Variants in ZNF740 observed in about 807,000 individuals in gnomAD.
ZNF740 encodes the protein oriLyt TD-element-binding protein 7.
Under a neutral mutation model 24.8 loss-of-function variants are expected in ZNF740, and 14 were observed. That is an observed-to-expected ratio of 0.56 (90% CI 0.37 to 0.88). The LOEUF (loss-of-function observed/expected upper bound fraction) is 0.88. Among genes scored for constraint, ZNF740 ranks in the 40% least tolerant of loss-of-function variants. ZNF740 has a pLI of 0.00. For synonymous variants in ZNF740, 69 were observed against 84.0 expected (o/e 0.82, Z 0.98); for missense variants, 201 against 247.9 (o/e 0.81, Z 1.27).
At position 53,192,813 on chromosome 12, in the gene ZNF740, G is replaced by A. The variant is rs746051191; in HGVS notation, c.*5223G>A. ...CATGCCCACTGCAGAGCCCTCCCTC[G>A]GGACTGATGCAACTGTCCATGTCCC... On this transcript the variant is annotated 3_prime_UTR_variant, in exon 7 of 7. Coordinates refer to ENST00000416904, the MANE Select transcript of ZNF740 (RefSeq NM_001004304.4). The A allele has an allele frequency of 1.7e-5, 28 of 1,614,072 alleles. No homozygotes were observed. The African/African-American group carries it at 1.9e-4, about 11-fold the overall frequency.
At position 53,181,956 on chromosome 12, in the gene ZNF740, T is replaced by G. The variant is rs1262933058; in HGVS notation, c.-28T>G. Reference sequence around the variant, plus strand: ...AGGTGGACCTAGGAACTCCTGAACTTTTGGGTTGCCTTAAGTGAGAAATCA... The same window carrying G: ...AGGTGGACCTAGGAACTCCTGAACTGTTGGGTTGCCTTAAGTGAGAAATCA... On this transcript the variant is annotated 5_prime_UTR_variant, in exon 2 of 7. Coordinates refer to ENST00000416904, the MANE Select transcript of ZNF740 (RefSeq NM_001004304.4). 3 of 1,604,294 alleles carry G rather than the reference T, an allele frequency of 1.9e-6. No homozygotes were observed. The East Asian group carries it at 6.7e-5, about 36-fold the overall frequency.
chr12:53,181,497 T>C (rs997896781), intron 1 of ZNF740, 180 bp from the exon 2 acceptor site: 2 of 985,372 alleles, frequency 2.0e-6, no homozygotes, highest in African/African-American at 1.7e-5. Flanking sequence ...TCCTGTTGGC[T>C]TCCACTCCTT....
In ZNF740 at chr12:53,191,684, G is replaced by C. The variant is rs369450948; in HGVS notation, c.*4094G>C. On this transcript the variant is annotated 3_prime_UTR_variant, in exon 7 of 7. Transcript: ENST00000416904. ...ATAAGCAAAAATCCCAGGATTCCTCGTCCCCTTTCTAGACCTAAGAGGCCA... is the reference window on the plus strand; with the variant it reads ...ATAAGCAAAAATCCCAGGATTCCTCCTCCCCTTTCTAGACCTAAGAGGCCA... 5 of 1,569,276 alleles carry C rather than the reference G, an allele frequency of 3.2e-6. No homozygotes were observed. The Admixed American group carries it at 8.3e-5, about 26-fold the overall frequency.
At chr12:53,186,370 T>C (rs757400487) in intron 5 of ZNF740, 21 bp from the exon 6 acceptor site, 3 of 1,553,472 alleles carry the variant, frequency 1.9e-6, no homozygotes, top group South Asian at 1.2e-5. Context: ...CCACATTCAC[T>C]TCTCTGTCCA....
In ZNF740 at chr12:53,191,926, AC is replaced by A. The variant is rs1565697034; in HGVS notation, c.*4338del. 6.2e-7 allele frequency: 1 copy of A among 1,610,938 alleles called. No homozygotes were observed. Among genetic ancestry groups the A allele is most frequent in the Admixed American group, 1.7e-5 (1 of 59,996 alleles). On this transcript the variant is annotated 3_prime_UTR_variant, in exon 7 of 7. Coordinates refer to ENST00000416904, the MANE Select transcript of ZNF740 (RefSeq NM_001004304.4). Reference sequence around the variant, plus strand: ...GTATTCCCGGCGGTCATAGATTTCCACCGAGAGCCGGTAAGCCAGGACCAGC... The same window carrying A: ...GTATTCCCGGCGGTCATAGATTTCCACGAGAGCCGGTAAGCCAGGACCAGC...
In ZNF740 at chr12:53,191,736, T is replaced by G. The variant is rs376582355; in HGVS notation, c.*4146T>G. On this transcript the variant is annotated 3_prime_UTR_variant, in exon 7 of 7. Transcript: ENST00000416904. ...CCTTGAGCCGAATCCTAGGAGCTGATGGAAGTTAGCAGAGGGGTTGGTTAC... is the reference window on the plus strand; with the variant it reads ...CCTTGAGCCGAATCCTAGGAGCTGAGGGAAGTTAGCAGAGGGGTTGGTTAC... The G allele has an allele frequency of 6.6e-7, 1 of 1,519,280 alleles. No individual in the cohort carries two copies. Among genetic ancestry groups the G allele is most frequent in the Non-Finnish European group, 9.1e-7 (1 of 1,095,548 alleles). The allele number at this position is 1,519,280 out of a possible 1,614,324, so 94.1% of individuals were successfully genotyped here.
At position 53,189,775 on chromosome 12, in the gene ZNF740, A is replaced by T. The variant is rs1178125430; in HGVS notation, c.*2185A>T. ...GCTTTTCCTGTCCTTCACTTCTGGG[A>T]TGATTCACCCCACATCTTCCAGTAC... is the stretch of plus-strand genomic sequence containing the variant. On this transcript the variant is annotated 3_prime_UTR_variant, in exon 7 of 7. Transcript: ENST00000416904. 1 of 152,034 alleles carries T rather than the reference A, an allele frequency of 6.6e-6. No homozygotes were observed. The highest frequency in any genetic ancestry group is 1.5e-5 in the Non-Finnish European group (1 of 68,018). The allele number at this position is 152,034 out of a possible 1,614,324, so 9.4% of individuals were successfully genotyped here. A position where few individuals can be genotyped will look rare whatever the true frequency, so the allele number is the denominator to read the frequency against.
rs769312731 is a variant in ZNF740 at position 53,186,380 on chromosome 12, ACCTGGG to A, written c.374-8_374-3del. ...CCTCCCCACATTCACTTCTCTGTCC[ACCTGGG>A]CCAGGTGAGAAGCCATTTGAATGCG... On this transcript the variant is annotated splice_polypyrimidine_tract_variant and splice_region_variant and intron_variant, in intron 5 of 6. Transcript: ENST00000416904. The A allele has an allele frequency of 6.4e-7, 1 of 1,562,564 alleles. No homozygotes were observed. Among genetic ancestry groups the A allele is most frequent in the Non-Finnish European group, 8.7e-7 (1 of 1,152,304 alleles).
rs756902852 is a variant in ZNF740, at chr12:53,192,559, G to A, written c.*4969G>A. On this transcript the variant is annotated 3_prime_UTR_variant, in exon 7 of 7. Transcript: ENST00000416904. ...AGTCCCTGTGTAGTAGATGCCAATA[G>A]GTTACCAGCTGGGCAGTTGTCACCC... 1 of 1,611,698 alleles carries A rather than the reference G, an allele frequency of 6.2e-7. No individual in the cohort carries two copies. Among genetic ancestry groups the A allele is most frequent in the Non-Finnish European group, 8.5e-7 (1 of 1,178,336 alleles).
Position 53,180,741 on chromosome 12 carries a change from G to T in ZNF740, c.-404G>T, listed in dbSNP as rs763369188. On this transcript the variant is annotated 5_prime_UTR_variant, in exon 1 of 7. Transcript: ENST00000416904. ...GTGTTTGTAAACTTGCCTCGGTCCC[G>T]GTGGGGGCAGCCGCGGCGGTGGGGT... The T allele has an allele frequency of 1.4e-5, 18 of 1,265,632 alleles. No homozygotes were observed. Among genetic ancestry groups the T allele is most frequent in the Non-Finnish European group, 1.7e-5 (17 of 977,414 alleles). 78.4% of individuals were successfully genotyped at this position (1,265,632 alleles called of 1,614,324 possible).
In ZNF740 at chr12:53,187,501, T is replaced by C; in HGVS notation, c.493T>C (p.Cys165Arg). 1 of 1,613,888 alleles carries C rather than the reference T, an allele frequency of 6.2e-7. No homozygotes were observed. Among genetic ancestry groups the C allele is most frequent in the South Asian group, 1.1e-5 (1 of 91,076 alleles). Reference sequence around the variant, plus strand: ...CACTTAACCCTCCCTTTCTTCTCAGTGTTTTTCTCGGACAGATCGATTACT... The same window carrying C: ...CACTTAACCCTCCCTTTCTTCTCAGCGTTTTTCTCGGACAGATCGATTACT... ...KPYQCERCHQ[C>R]FSRTDRLLRH... The change falls in exon 7 of 7, where the codon TGT (cysteine) becomes CGT (arginine). Residue 165 changes from cysteine (C) to arginine (R), a missense_variant and splice_region_variant. Cys to Arg is a radical substitution (Grantham distance 180). Coordinates refer to ENST00000416904, the MANE Select transcript of ZNF740 (RefSeq NM_001004304.4).
At chr12:53,181,462 C>G (rs779134409) in intron 1 of ZNF740, 290 of 985,334 alleles carry the variant, frequency 2.9e-4, no homozygotes, top group Non-Finnish European at 3.3e-4. Context: ...AGAGTTCCTC[C>G]ATAGGAGGCC....
At chr12:53,185,825 A>G in intron 4 of ZNF740, 129 bp from the exon 5 acceptor site, 1 of 1,275,502 alleles carries the variant, frequency 7.8e-7, no homozygotes, top group Non-Finnish European at 1.1e-6. Flanking sequence ...AGTACAGGAG[A>G]TGGCAGCACC....
At position 53,193,196 on chromosome 12, in the gene ZNF740, T is replaced by G. The variant is rs1322657177; in HGVS notation, c.*5606T>G. 1.2e-6 allele frequency: 2 copies of G among 1,614,014 alleles called. No individual in the cohort carries two copies. Among genetic ancestry groups the G allele is most frequent in the African/African-American group, 2.7e-5 (2 of 74,906 alleles). ...GCTGGCATCGTCACACTCGCACAGA[T>G]GCCCAGAGCTCTGTCCACTGCAGCT... On this transcript the variant is annotated 3_prime_UTR_variant, in exon 7 of 7. Transcript: ENST00000416904.
Position 53,194,329 on chromosome 12 carries a change from C to G in ZNF740, c.*6739C>G, listed in dbSNP as rs139063110. The stretch of plus-strand genomic sequence containing the variant: ...GGGAGTGAAGAGTGTTCAAGGGTCA[C>G]GGTGGAAGACAGGCTCTATGGGAAG... On this transcript the variant is annotated 3_prime_UTR_variant, in exon 7 of 7. Coordinates refer to ENST00000416904, the MANE Select transcript of ZNF740 (RefSeq NM_001004304.4). 995 of 1,613,890 alleles carry G rather than the reference C, an allele frequency of 6.2e-4. 8 individuals are homozygous for G. In the African/African-American group the frequency reaches 0.01, roughly 16 times the overall value.
At chr12:53,184,088 A>G (rs938624856) in intron 2 of ZNF740, among the ~76,000 whole-genome samples, 9 of 150,108 alleles carry the variant, frequency 6.0e-5, no homozygotes, top group Non-Finnish European at 7.4e-5. Flanking sequence ...AGATCTGCCA[A>G]TCAAAAGTGG....
Position 53,193,229 on chromosome 12 carries a change from C to T in ZNF740, c.*5639C>T. 6.2e-7 allele frequency: 1 copy of T among 1,614,188 alleles called. No individual in the cohort carries two copies. The highest frequency in any genetic ancestry group is 8.5e-7 in the Non-Finnish European group (1 of 1,180,030). On this transcript the variant is annotated 3_prime_UTR_variant, in exon 7 of 7. Coordinates refer to ENST00000416904, the MANE Select transcript of ZNF740 (RefSeq NM_001004304.4). ...GCTCTGTCCACTGCAGCTGCAGCGT[C>T]CACATTGACAGTGACCCTTTCCACT...
intron 1 of ZNF740, chr12:53,181,168 G>A: frequency 1.3e-5 from 13 of 985,164 alleles, no homozygotes; most frequent in Non-Finnish European, 1.6e-5. Flanking sequence ...CGAGGCGGGC[G>A]ACACGCCGCG....
At chr12:53,185,336 A>T in intron 3 of ZNF740, 51 bp from the exon 4 acceptor site, 1 of 1,588,924 alleles carries the variant, frequency 6.3e-7, no homozygotes, top group South Asian at 1.1e-5. Context: ...ATTGGGTCTC[A>T]TCTCATGTTC....
Sources: allele counts gnomAD v4.1 joint callset (sites outside exome capture counted in the v4.1 genomes callset), GRCh38; gene constraint gnomAD v4.1.1; transcripts MANE v1.5; gene names NCBI Gene and HGNC (gene_info 2026-07-23, HGNC 2026-07-21).